The following SHTN1 variants were observed in gnomAD, a reference collection of about 807,000 sequenced individuals.
SHTN1 encodes the protein shootin-1.
In SHTN1, 42 loss-of-function variants were observed where a neutral mutation model predicts 83.1. The ratio of observed to expected loss-of-function variants is 0.51; its 90% CI spans 0.39 to 0.65. The LOEUF (loss-of-function observed/expected upper bound fraction) is 0.65. Ranked by LOEUF, SHTN1 falls within the 30% of genes least tolerant of loss-of-function variation. The pLI is 0.00. For synonymous variants in SHTN1, 224 were observed against 247.7 expected, an observed-to-expected ratio of 0.90 and a Z score of 0.90; for missense variants, 622 against 737.8, an observed-to-expected ratio of 0.84 and a Z score of 1.82.
intron 1 of SHTN1, among the ~76,000 whole-genome samples, chr10:117,088,813 T>C (rs1853387329): frequency 6.6e-6 from 1 of 152,214 alleles, no homozygotes; most frequent in Admixed American, 6.5e-5. Context: ...GGTCTGCCAC[T>C]AAAACATAGA....
At chr10:116,963,290 T>C in intron 3 of SHTN1, among the ~76,000 whole-genome samples, 1 of 151,120 alleles carries the variant, frequency 6.6e-6, no homozygotes, top group Non-Finnish European at 1.5e-5. Flanking sequence ...GCCAGGATGG[T>C]CTCGATCTCC....
chr10:116,920,093 AAAGT>A (rs1393936020), intron 12 of SHTN1, among the ~76,000 whole-genome samples: 1 of 152,178 alleles, frequency 6.6e-6, no homozygotes, highest in Non-Finnish European at 1.5e-5. Context: ...TTAAATCCTT[AAAGT>A]AACAGAATTT....
At chr10:116,900,552 G>T in intron 16 of SHTN1, 1 of 1,534,348 alleles carries the variant, frequency 6.5e-7, no homozygotes, top group South Asian at 1.2e-5. Flanking sequence ...TGTGTAAAAT[G>T]GTAAAGGAGA....
intron 3 of SHTN1, 75 bp from the exon 4 acceptor site, chr10:116,960,305 A>G (rs1850140407): frequency 2.5e-6 from 2 of 796,606 alleles, no homozygotes; most frequent in African/African-American, 1.7e-5. Flanking sequence ...GCATCGTCCC[A>G]TGATTAAGAA....
At chr10:116,913,735 A>G (rs1848286556) in intron 13 of SHTN1, among the ~76,000 whole-genome samples, 1 of 152,220 alleles carries the variant, frequency 6.6e-6, no homozygotes, top group Non-Finnish European at 1.5e-5. Context: ...CAGACCTTGC[A>G]TTTTAAAGTA....
At chr10:116,994,206 T>TAA (rs1347523348) in intron 1 of SHTN1, among the ~76,000 whole-genome samples, 1 of 152,098 alleles carries the variant, frequency 6.6e-6, no homozygotes, top group African/African-American at 2.4e-5. Flanking sequence ...GATCTGTTTT[T>TAA]ATTGAGGAAA....
chr10:116,952,941 T>C (rs1048570848), intron 5 of SHTN1, among the ~76,000 whole-genome samples: 1 of 152,188 alleles, frequency 6.6e-6, no homozygotes, highest in Non-Finnish European at 1.5e-5. Context: ...TGAAACCATA[T>C]TGTTCAAGCT....
chr10:116,924,964 G>T (rs1848692248), intron 11 of SHTN1, among the ~76,000 whole-genome samples: 1 of 151,874 alleles, frequency 6.6e-6, no homozygotes, highest in African/African-American at 2.4e-5. Context: ...CACCATGTTA[G>T]CCAGGATGGT....
Position 116,929,222 on chromosome 10 carries a change from T to C in SHTN1, c.1012+627A>G, listed in dbSNP as rs73396200. 6.6e-3 allele frequency among the ~76,000 whole-genome samples: 1,009 copies of C among 152,230 alleles called. 8 individuals are homozygous for C. Among genetic ancestry groups the C allele is most frequent in the African/African-American group, 0.022 (934 of 41,536 alleles). On this transcript the variant is annotated intron_variant, in intron 10 of 16. Coordinates refer to ENST00000355371, the MANE Select transcript of SHTN1 (RefSeq NM_001127211.3). ...ACCTGACTTCTTAAATTACCGACCT[T>C]CCAACAGAGACTTACACATATGCCC... is the stretch of plus-strand genomic sequence containing the variant.
rs1170502239 is a variant in SHTN1, at chr10:116,948,972, G to C, written c.560C>G (p.Thr187Ser). ...EEVNKVKQEK[T>S]VLNSEVLEQR... ...TTCAAGAACTTCTGAATTTAAAACAGTCTTTTCTTGTTTAACTTTATTTAC... is the reference window on the plus strand; with the variant it reads ...TTCAAGAACTTCTGAATTTAAAACACTCTTTTCTTGTTTAACTTTATTTAC... Residue 187 changes from threonine to serine, a missense_variant, in exon 7 of 17, where the codon ACT (threonine) becomes AGT (serine). By Grantham distance (58) the Thr-to-Ser change is moderately conservative. Around this residue, in one of 3 missense-constraint regions of SHTN1, gnomAD observed 383 missense variants for 455.8 expected, o/e 0.84. Transcript: ENST00000355371. 2 of 1,565,670 alleles carry C rather than the reference G, an allele frequency of 1.3e-6. No homozygotes were observed. The highest frequency in any genetic ancestry group is 2.7e-5 in the African/African-American group (2 of 73,470).
chr10:117,017,089 G>A (rs1182760037), intron 2 of SHTN1, among the ~76,000 whole-genome samples: 1 of 152,100 alleles, frequency 6.6e-6, no homozygotes, highest in Non-Finnish European at 1.5e-5. Flanking sequence ...AGAGCATCTT[G>A]TAGTGCCAGA....
intron 1 of SHTN1, among the ~76,000 whole-genome samples, chr10:117,087,934 C>T (rs2133617854): frequency 6.6e-6 from 1 of 152,284 alleles, no homozygotes; most frequent in East Asian, 1.9e-4. Flanking sequence ...AAGACCTCAT[C>T]TCTACTAAAA....
At position 116,945,167 on chromosome 10, in the gene SHTN1, T is replaced by C. The variant is rs73398104; in HGVS notation, c.617-149A>G. 8.9e-4 allele frequency: 533 copies of C among 597,204 alleles called. 2 individuals carry two copies. In the African/African-American group the frequency reaches 9.3e-3, roughly 10 times the overall value. 37.0% of individuals were successfully genotyped at this position (597,204 alleles called of 1,614,324 possible). A position where few individuals can be genotyped will look rare whatever the true frequency, so the allele number is the denominator to read the frequency against. On this transcript the variant is annotated intron_variant, in intron 7 of 16. Coordinates refer to ENST00000355371, the MANE Select transcript of SHTN1 (RefSeq NM_001127211.3). Reference sequence around the variant, plus strand: ...GGTTGGCATACAAACTGATAAAACCTTTTTGGAGAGCAACTTGGCAACGTG... The same window carrying C: ...GGTTGGCATACAAACTGATAAAACCCTTTTGGAGAGCAACTTGGCAACGTG...
At chr10:116,932,607 C>T (rs1479343326) in intron 9 of SHTN1, among the ~76,000 whole-genome samples, 1 of 152,046 alleles carries the variant, frequency 6.6e-6, no homozygotes, top group African/African-American at 2.4e-5. Context: ...GTTAAGTGTT[C>T]CGAGTATGTT....
intron 16 of SHTN1, among the ~76,000 whole-genome samples, chr10:116,900,114 G>C (rs1847679265): frequency 6.6e-6 from 1 of 152,134 alleles, no homozygotes; most frequent in African/African-American, 2.4e-5. Flanking sequence ...TTCCAGAAAG[G>C]TGCTCTTATT....
chr10:117,106,913 A>C (rs1331516536), intron 1 of SHTN1, among the ~76,000 whole-genome samples: 1 of 152,124 alleles, frequency 6.6e-6, no homozygotes, highest in Admixed American at 6.5e-5. Flanking sequence ...CTGTAAAATA[A>C]AAAAAATAAG....
intron 8 of SHTN1, among the ~76,000 whole-genome samples, chr10:116,942,322 C>A (rs1849407233): frequency 6.6e-6 from 1 of 151,830 alleles, no homozygotes; most frequent in African/African-American, 2.4e-5. Context: ...AAGTGATTCT[C>A]GTGCCTCAGC....
At chr10:116,938,145 C>T (rs1849240622) in intron 9 of SHTN1, among the ~76,000 whole-genome samples, 1 of 151,846 alleles carries the variant, frequency 6.6e-6, no homozygotes. Context: ...TTATTACCAA[C>T]CTTCTGAAGC....
At chr10:116,974,413 T>TAAAATA (rs1160199337) in intron 2 of SHTN1, among the ~76,000 whole-genome samples, 1 of 152,180 alleles carries the variant, frequency 6.6e-6, no homozygotes, top group African/African-American at 2.4e-5. Context: ...TTTTAAAAAA[T>TAAAATA]AAAATACTTT....
Sources: allele counts gnomAD v4.1 joint callset (sites outside exome capture counted in the v4.1 genomes callset), GRCh38; gene constraint gnomAD v4.1.1; regional missense constraint gnomAD v4.1.1; transcripts MANE v1.5; gene names NCBI Gene and HGNC (gene_info 2026-07-23, HGNC 2026-07-21).